The following SLC22A9 variants were observed in gnomAD, a reference collection of about 807,000 sequenced individuals.
SLC22A9 encodes the protein solute carrier family 22 member 9.
Under a neutral mutation model 50.1 loss-of-function variants are expected in SLC22A9, and 64 were observed. The observed-to-expected ratio is 1.28, with a 90% CI of 1.04 to 1.57. The LOEUF is 1.57. SLC22A9 is among the 40% of genes most tolerant of loss of function. The pLI is 0.00. For missense variants in SLC22A9, 757 were observed against 676.1 expected, an observed-to-expected ratio of 1.12 and a Z score of -1.33; for synonymous variants, 261 against 242.5, an observed-to-expected ratio of 1.08 and a Z score of -0.71.
chr11:63,388,426 T>A lies in SLC22A9; in HGVS notation c.1073+6149T>A, dbSNP rs74615521. On this transcript the variant is annotated intron_variant, in intron 6 of 9. Transcript: ENST00000279178. ...CATATGCTTTTTCAGCATCAGTGGA[T>A]ATGATCACATGGTATTGTCCTTTAT... 6.1e-3 allele frequency among the ~76,000 whole-genome samples: 934 copies of A among 152,148 alleles called. 10 individuals carry two copies. The highest frequency in any genetic ancestry group is 0.021 in the African/African-American group (858 of 41,554).
At chr11:63,381,780 T>C (rs767705440) in intron 5 of SLC22A9, among the ~76,000 whole-genome samples, 7 of 152,164 alleles carry the variant, frequency 4.6e-5, no homozygotes, top group Non-Finnish European at 7.3e-5. Context: ...TGAGAACCAA[T>C]GTCCACGTCC....
At chr11:63,371,644 A>T (rs779993702) in intron 2 of SLC22A9, among the ~76,000 whole-genome samples, 1 of 152,214 alleles carries the variant, frequency 6.6e-6, no homozygotes, top group Non-Finnish European at 1.5e-5. Flanking sequence ...TTGTCATTAC[A>T]TCATAGTTCC....
chr11:63,370,041 C>A lies in SLC22A9; in HGVS notation c.-16C>A, dbSNP rs765355464. ...AGTCATTTTGCCTCTACTTGAGGAT[C>A]AACTGTTCAACCTCAATGGCCTTTC... On this transcript the variant is annotated 5_prime_UTR_variant, in exon 1 of 10. Transcript: ENST00000279178. The A allele has an allele frequency of 6.9e-6, 11 of 1,600,040 alleles. No individual in the cohort carries two copies. Among genetic ancestry groups the A allele is most frequent in the Non-Finnish European group, 9.4e-6 (11 of 1,173,056 alleles).
At chr11:63,397,819 T>C (rs900708143) in intron 6 of SLC22A9, among the ~76,000 whole-genome samples, 3 of 152,150 alleles carry the variant, frequency 2.0e-5, no homozygotes, top group African/African-American at 7.2e-5. Context: ...CAAACTGCCA[T>C]CCAAGAGCCC....
Position 63,410,257 on chromosome 11 carries a change from A to AAAAGAAGGAAAGAAAG in SLC22A9, c.*401_*402insGGAAAGAAAGAAAGAA, listed in dbSNP as rs1565192073. The AAAAGAAGGAAAGAAAG allele has an allele frequency of 2.9e-3, 311 of 108,058 alleles. 2 individuals are homozygous for AAAAGAAGGAAAGAAAG. The highest frequency in any genetic ancestry group is 0.022 in the East Asian group (38 of 1,764). 6.7% of individuals were successfully genotyped at this position (108,058 alleles called of 1,614,324 possible). A position where few individuals can be genotyped will look rare whatever the true frequency, so the allele number is the denominator to read the frequency against. On this transcript the variant is annotated 3_prime_UTR_variant, in exon 10 of 10. Transcript: ENST00000279178. ...CTGTCTCAAAAAAAAAAAAAAAAAA[A>AAAAGAAGGAAAGAAAG]AAAGAAAGAAGGAAAGAAAGAAAGA...
chr11:63,405,349 T>C (rs2120017143), intron 6 of SLC22A9, among the ~76,000 whole-genome samples: 1 of 152,240 alleles, frequency 6.6e-6, no homozygotes, highest in African/African-American at 2.4e-5. Flanking sequence ...CTAGAAACTG[T>C]GTCAAGGGCG....
chr11:63,407,746 C>A (rs1480823402), intron 7 of SLC22A9, among the ~76,000 whole-genome samples: 3 of 152,116 alleles, frequency 2.0e-5, no homozygotes, highest in African/African-American at 7.2e-5. Flanking sequence ...GTCTTATACT[C>A]CCAAGTATTG....
chr11:63,390,224 G>T (rs368625627), intron 6 of SLC22A9, among the ~76,000 whole-genome samples: 177 of 152,184 alleles, frequency 1.2e-3, no homozygotes, highest in African/African-American at 3.5e-3. Context: ...AATTGCTTTT[G>T]GTGTTTTAGT....
chr11:63,393,424 C>G (rs1591022945), intron 6 of SLC22A9, among the ~76,000 whole-genome samples: 1 of 152,192 alleles, frequency 6.6e-6, no homozygotes, highest in East Asian at 1.9e-4. Flanking sequence ...ACAATCATAT[C>G]ATCAGCAAAC....
At chr11:63,383,060 GCAC>G (rs1421528536) in intron 6 of SLC22A9, among the ~76,000 whole-genome samples, 4 of 152,162 alleles carry the variant, frequency 2.6e-5, no homozygotes, top group Admixed American at 6.6e-5. Context: ...CTCACTCAGA[GCAC>G]TTATGGAACT....
At chr11:63,407,093 G>T (rs955514276) in intron 7 of SLC22A9, among the ~76,000 whole-genome samples, 3 of 152,088 alleles carry the variant, frequency 2.0e-5, no homozygotes, top group Admixed American at 1.3e-4. Context: ...TACTTCCTCT[G>T]TCTGGGCTCT....
intron 5 of SLC22A9, among the ~76,000 whole-genome samples, chr11:63,376,221 A>G (rs2014458998): frequency 1.3e-5 from 2 of 152,080 alleles, no homozygotes; most frequent in Admixed American, 1.3e-4. Context: ...TGATACATTT[A>G]GTGAGGCACT....
chr11:63,373,434 T>C (rs908950482), intron 2 of SLC22A9, among the ~76,000 whole-genome samples: 1 of 152,162 alleles, frequency 6.6e-6, no homozygotes, highest in Non-Finnish European at 1.5e-5. Flanking sequence ...TGCTAAGAGA[T>C]TGGAAAATAA....
intron 6 of SLC22A9, among the ~76,000 whole-genome samples, chr11:63,398,644 C>G (rs536054716): frequency 1.3e-5 from 2 of 152,318 alleles, no homozygotes; most frequent in Admixed American, 6.5e-5. Context: ...TCACTGTGCT[C>G]TCTATCCCCC....
intron 1 of SLC22A9, 71 bp from the exon 2 acceptor site, chr11:63,371,064 T>C: frequency 8.8e-7 from 1 of 1,131,420 alleles, no homozygotes; most frequent in Non-Finnish European, 1.3e-6. Flanking sequence ...TTGCAGATCA[T>C]GCTAAGAAGT....
At chr11:63,386,717 CTTCT>C (rs1185578015) in intron 6 of SLC22A9, among the ~76,000 whole-genome samples, 4 of 151,046 alleles carry the variant, frequency 2.6e-5, no homozygotes, top group African/African-American at 4.9e-5. Flanking sequence ...TGTCTCTTTT[CTTCT>C]TTATTAGTCT....
chr11:63,402,479 G>T (rs2014967254), intron 6 of SLC22A9, among the ~76,000 whole-genome samples: 1 of 151,914 alleles, frequency 6.6e-6, no homozygotes, highest in African/African-American at 2.4e-5. Context: ...CTATGTATCT[G>T]CTCTTATGCC....
chr11:63,402,904 A>T (rs761242149), intron 6 of SLC22A9, among the ~76,000 whole-genome samples: 3 of 152,088 alleles, frequency 2.0e-5, no homozygotes, highest in Non-Finnish European at 4.4e-5. Context: ...ATGTTTGCTC[A>T]CCTTTCACCA....
chr11:63,395,338 G>A (rs150410943), intron 6 of SLC22A9, among the ~76,000 whole-genome samples: 3,030 of 152,146 alleles, frequency 0.02, 105 homozygotes, highest in African/African-American at 0.068. Flanking sequence ...TACCAGAGTT[G>A]GTTTTCTGGT....
Sources: allele counts gnomAD v4.1 joint callset (sites outside exome capture counted in the v4.1 genomes callset), GRCh38; gene constraint gnomAD v4.1.1; transcripts MANE v1.5; gene names NCBI Gene and HGNC (gene_info 2026-07-23, HGNC 2026-07-21).